The following CGNL1 variants were observed in gnomAD, a reference collection of about 807,000 sequenced individuals.
CGNL1 encodes cingulin-like protein 1.
In CGNL1, 132 loss-of-function variants were observed where a neutral mutation model predicts 141.2. The observed-to-expected ratio is 0.93, with a 90% CI of 0.81 to 1.08. The LOEUF is 1.08. Ranked by LOEUF, CGNL1 falls within the 50% of genes least tolerant of loss-of-function variation. CGNL1 has a pLI of 0.00. For synonymous variants in CGNL1, 690 were observed against 622.1 expected (o/e 1.11, Z -1.63); for missense variants, 1,870 against 1,588.6 (o/e 1.18, Z -3.01).
At chr15:57,452,393 A>G in intron 6 of CGNL1, 104 bp downstream of exon 6, 1 of 1,061,254 alleles carries the variant, frequency 9.4e-7, no homozygotes, top group South Asian at 1.9e-5. Flanking sequence ...AAATATTTAT[A>G]AAGGCAGCTG....
intron 8 of CGNL1, among the ~76,000 whole-genome samples, chr15:57,509,249 G>A (rs2030002397): frequency 6.6e-6 from 1 of 152,208 alleles, no homozygotes; most frequent in South Asian, 2.1e-4. Context: ...GAGCGTGGGG[G>A]TGGCCAGCGA....
chr15:57,543,655 C>A (rs1200539306), intron 14 of CGNL1, 41 bp from the exon 15 acceptor site: 2 of 1,515,522 alleles, frequency 1.3e-6, no homozygotes, highest in Non-Finnish European at 1.8e-6. Flanking sequence ...GATACAGGAA[C>A]AGTCCTTCTA....
intron 8 of CGNL1, among the ~76,000 whole-genome samples, chr15:57,468,628 G>T (rs1359311495): frequency 5.9e-5 from 9 of 152,046 alleles, no homozygotes; most frequent in African/African-American, 2.2e-4. Flanking sequence ...TAGGAAAGGT[G>T]GGGTGGGGTG....
rs760176659 is a variant in CGNL1 at position 57,523,640 on chromosome 15, A to T, written c.2867A>T (p.Glu956Val). 4 of 1,613,830 alleles carry T rather than the reference A, an allele frequency of 2.5e-6. No homozygotes were observed. The East Asian group carries it at 8.9e-5, about 36-fold the overall frequency. Residue 956 changes from glutamate to valine, a missense_variant and splice_region_variant, in exon 11 of 19, where the codon GAG becomes GTG. Coordinates refer to ENST00000281282, the MANE Select transcript of CGNL1 (RefSeq NM_032866.5). ...LGKTIEKLQK[E>V]MADIVEASRT... Reference sequence around the variant, plus strand: ...AAAACCATTGAGAAACTGCAGAAGGAGGTGAGGGGCTGGAGGAGGAAAGAG... The same window carrying T: ...AAAACCATTGAGAAACTGCAGAAGGTGGTGAGGGGCTGGAGGAGGAAAGAG...
intron 8 of CGNL1, among the ~76,000 whole-genome samples, chr15:57,469,417 C>T (rs557128260): frequency 3.3e-5 from 5 of 149,520 alleles, no homozygotes; most frequent in African/African-American, 1.2e-4. Flanking sequence ...GAGAAAGAAG[C>T]GAAGGGGGCC....
intron 1 of CGNL1, among the ~76,000 whole-genome samples, chr15:57,430,900 T>TTAGTAAATA (rs1305469185): frequency 6.6e-6 from 1 of 152,110 alleles, no homozygotes; most frequent in African/African-American, 2.4e-5. Context: ...TTTTATATTT[T>TTAGTAAATA]TAGTAAAGAT....
At chr15:57,452,903 GAA>G (rs1182458221) in intron 6 of CGNL1, among the ~76,000 whole-genome samples, 1 of 152,086 alleles carries the variant, frequency 6.6e-6, no homozygotes, top group East Asian at 1.9e-4. Flanking sequence ...GGAAGTTCAA[GAA>G]AAAGAGGACA....
intron 2 of CGNL1, 151 bp from the exon 3 acceptor site, chr15:57,440,226 C>T (rs1400716196): frequency 1.1e-5 from 7 of 614,788 alleles, no homozygotes; most frequent in East Asian, 8.4e-5. Flanking sequence ...AAAATTGAGG[C>T]GAGGAGAAGT....
At chr15:57,498,245 G>GT (rs56793548) in intron 8 of CGNL1, among the ~76,000 whole-genome samples, 19,039 of 100,926 alleles carry the variant, frequency 0.19, 2,593 homozygotes, top group Middle Eastern at 0.26. Context: ...TGGGGAAACA[G>GT]TTTTTTTTTT....
At chr15:57,546,266 G>T (rs964951268) in intron 18 of CGNL1, 27 bp downstream of exon 18, 2 of 1,544,492 alleles carry the variant, frequency 1.3e-6, no homozygotes, top group Admixed American at 3.9e-5. Flanking sequence ...GCCACAGAGG[G>T]CCGGGTAATC....
rs145871262 is a variant in CGNL1, at chr15:57,524,670, C to T, written c.2958C>T (p.Leu986=). The T allele has an allele frequency of 8.9e-4, 1,438 of 1,614,062 alleles. 15 individuals are homozygous for T. In the Admixed American group the frequency reaches 0.015, roughly 16 times the overall value. ...DEYKEKNRRE[L]AEMQRQLKEK... ...ATAAGGAGAAAAACCGCAGGGAGCTCGCAGAAATGCAAAGACAGTTGAAGG... is the reference window on the plus strand; with the variant it reads ...ATAAGGAGAAAAACCGCAGGGAGCTTGCAGAAATGCAAAGACAGTTGAAGG... Residue 986 remains leucine, a synonymous_variant, in exon 12 of 19, where the codon CTC becomes CTT. Coordinates refer to ENST00000281282, the MANE Select transcript of CGNL1 (RefSeq NM_032866.5).
At chr15:57,481,334 C>G (rs1259754215) in intron 8 of CGNL1, among the ~76,000 whole-genome samples, 1 of 152,102 alleles carries the variant, frequency 6.6e-6, no homozygotes, top group Non-Finnish European at 1.5e-5. Flanking sequence ...TATAGCCATG[C>G]CATCTCGCTT....
chr15:57,429,506 C>G (rs1482136640), intron 1 of CGNL1, among the ~76,000 whole-genome samples: 2 of 152,188 alleles, frequency 1.3e-5, no homozygotes, highest in African/African-American at 4.8e-5. Context: ...AACTGTAGCA[C>G]AAACGGTGTG....
chr15:57,404,193 C>T (rs1251584261), intron 1 of CGNL1, among the ~76,000 whole-genome samples: 1 of 152,214 alleles, frequency 6.6e-6, no homozygotes, highest in Non-Finnish European at 1.5e-5. Flanking sequence ...AGGAAAGTAG[C>T]TTATTTCTCT....
chr15:57,486,954 C>T (rs1055047979), intron 8 of CGNL1, among the ~76,000 whole-genome samples: 1 of 152,186 alleles, frequency 6.6e-6, no homozygotes, highest in African/African-American at 2.4e-5. Flanking sequence ...TAATTGTAGA[C>T]CTGGCCCTAC....
Position 57,525,178 on chromosome 15 carries a change from G to A in CGNL1, c.3039+427G>A, listed in dbSNP as rs183509375. On this transcript the variant is annotated intron_variant, in intron 12 of 18. Coordinates refer to ENST00000281282, the MANE Select transcript of CGNL1 (RefSeq NM_032866.5). ...AGACTTTTATTGGCATGAGGGTGGC[G>A]GACAAGAGTTTCACAACAACAATAA... Among the ~76,000 whole-genome samples, 315 of 152,164 alleles carry A rather than the reference G, an allele frequency of 2.1e-3. 4 individuals carry two copies. The highest frequency in any genetic ancestry group is 6.6e-3 in the African/African-American group (273 of 41,512).
intron 1 of CGNL1, among the ~76,000 whole-genome samples, chr15:57,383,292 C>CTTTTTTTTTTTTTTTTTTTT (rs59213732): frequency 2.7e-4 from 30 of 109,570 alleles, no homozygotes; most frequent in African/African-American, 8.4e-4. Flanking sequence ...TTCTTTCTTC[C>CTTTTTTTTTTTTTTTTTTTT]TTTTTTTTTT....
intron 8 of CGNL1, among the ~76,000 whole-genome samples, chr15:57,514,151 GTTTA>G (rs139299457): frequency 0.35 from 52,377 of 151,506 alleles, 9,693 homozygotes; most frequent in Non-Finnish European, 0.42. Context: ...TTTCCCCATT[GTTTA>G]TTTATTTATT....
intron 1 of CGNL1, among the ~76,000 whole-genome samples, chr15:57,395,616 G>A (rs1664448): frequency 0.58 from 87,485 of 151,822 alleles, 25,450 homozygotes; most frequent in African/African-American, 0.61. Flanking sequence ...CCCCAAGTAA[G>A]ACATGAGTAG....
Sources: gnomAD v4.1 joint callset for allele counts (sites outside exome capture counted in the v4.1 genomes callset) on GRCh38, gnomAD v4.1.1 for gene constraint, MANE v1.5 for transcripts, NCBI Gene and HGNC (gene_info 2026-07-23, HGNC 2026-07-21) for gene names.